Variants in FILIP1 observed in about 807,000 individuals in gnomAD.
FILIP1 encodes filamin-A-interacting protein 1.
Under a neutral mutation model 102.1 loss-of-function variants are expected in FILIP1, and 61 were observed. The ratio of observed to expected loss-of-function variants is 0.60; its 90% CI spans 0.49 to 0.74. FILIP1 has a LOEUF of 0.74. Among genes scored for constraint, FILIP1 ranks in the 30% least tolerant of loss-of-function variants. FILIP1 has a pLI of 0.00. For synonymous variants in FILIP1, 491 were observed against 526.9 expected (o/e 0.93, Z 0.93); for missense variants, 1,314 against 1,441.2 (o/e 0.91, Z 1.43).
At chr6:75,445,857 A>G (rs1182161315) in intron 1 of FILIP1, among the ~76,000 whole-genome samples, 1 of 152,064 alleles carries the variant, frequency 6.6e-6, no homozygotes, top group African/African-American at 2.4e-5. Flanking sequence ...AGGACAGTAC[A>G]TCTGGTTGTG....
chr6:75,452,397 T>C (rs1778664924), intron 1 of FILIP1, among the ~76,000 whole-genome samples: 1 of 152,138 alleles, frequency 6.6e-6, no homozygotes, highest in Admixed American at 6.5e-5. Context: ...CTGAGAATGA[T>C]GGTTTCCAGC....
At chr6:75,425,800 T>A (rs368494026) in intron 1 of FILIP1, among the ~76,000 whole-genome samples, 1 of 152,176 alleles carries the variant, frequency 6.6e-6, no homozygotes, top group Non-Finnish European at 1.5e-5. Context: ...ACTCTCCATA[T>A]GTATGTGAAA....
intron 4 of FILIP1, among the ~76,000 whole-genome samples, chr6:75,317,533 T>C (rs1773484685): frequency 6.6e-6 from 1 of 152,238 alleles, no homozygotes; most frequent in African/African-American, 2.4e-5. Flanking sequence ...TTTTTGTCAT[T>C]ATCCTGTCTT....
At chr6:75,490,454 A>G (rs1393517073) in intron 1 of FILIP1, among the ~76,000 whole-genome samples, 2 of 152,144 alleles carry the variant, frequency 1.3e-5, no homozygotes, top group Non-Finnish European at 2.9e-5. Flanking sequence ...AAACAACAGA[A>G]AAAGGATCAT....
chr6:75,431,716 G>A (rs1777828489), intron 1 of FILIP1, among the ~76,000 whole-genome samples: 1 of 152,174 alleles, frequency 6.6e-6, no homozygotes. Flanking sequence ...CCTAGGCAGA[G>A]AAGGAGCCTG....
At position 75,447,968 on chromosome 6, in the gene FILIP1, TA is replaced by T. The variant is rs911589653; in HGVS notation, c.-6-32991del. Among the ~76,000 whole-genome samples the T allele has an allele frequency of 2.4e-4, 36 of 151,018 alleles. 1 individual carries two copies. The highest frequency in any genetic ancestry group is 6.3e-4 in the South Asian group (3 of 4,794). ...ATTCTTCATTGGCACTTTTCAAACA[TA>T]AAAAAAAATAAAAATAATTGTAATA... On this transcript the variant is annotated intron_variant, in intron 1 of 5. Transcript: ENST00000237172.
chr6:75,442,354 C>T (rs1291126367), intron 1 of FILIP1, among the ~76,000 whole-genome samples: 2 of 152,130 alleles, frequency 1.3e-5, no homozygotes, highest in African/African-American at 4.8e-5. Context: ...GACGGGGTGG[C>T]GGCCTGGCAG....
Position 75,353,637 on chromosome 6 carries a change from C to T in FILIP1, c.531G>A (p.Arg177=). 6.2e-7 allele frequency: 1 copy of T among 1,614,180 alleles called. No homozygotes were observed. The highest frequency in any genetic ancestry group is 8.5e-7 in the Non-Finnish European group (1 of 1,180,044). Residue 177 remains arginine (R), a synonymous_variant, in exon 4 of 6, where the codon AGG becomes AGA. Transcript: ENST00000237172. ...EQLLLAEKCH[R]RTVYELENEK... ...CGTTCTCTAACTCGTATACGGTGCG[C>T]CTATGACACTTCTCGGCCAGCAACA...
chr6:75,337,037 T>C (rs1462486113), intron 4 of FILIP1, among the ~76,000 whole-genome samples: 1 of 152,168 alleles, frequency 6.6e-6, no homozygotes, highest in African/African-American at 2.4e-5. Context: ...ATTCAACAAA[T>C]ACTTAATTGG....
intron 1 of FILIP1, among the ~76,000 whole-genome samples, chr6:75,433,872 G>A (rs954254566): frequency 6.6e-6 from 1 of 152,156 alleles, no homozygotes; most frequent in African/African-American, 2.4e-5. Context: ...TGTATAAGGT[G>A]TAAGGAAGGG....
intron 1 of FILIP1, among the ~76,000 whole-genome samples, chr6:75,488,931 G>A (rs998679600): frequency 6.6e-6 from 1 of 152,116 alleles, no homozygotes; most frequent in Non-Finnish European, 1.5e-5. Flanking sequence ...TGAATCGCAA[G>A]AATTCATTTC....
chr6:75,372,738 G>A (rs1252176622), intron 2 of FILIP1, among the ~76,000 whole-genome samples: 2 of 63,812 alleles, frequency 3.1e-5, no homozygotes, highest in African/African-American at 1.4e-4. Flanking sequence ...GAGAAAGAAA[G>A]AAAGAAAGAA....
intron 1 of FILIP1, among the ~76,000 whole-genome samples, chr6:75,437,740 G>T (rs1778074363): frequency 6.6e-6 from 1 of 152,312 alleles, no homozygotes; most frequent in South Asian, 2.1e-4. Context: ...GAGCTGGGGA[G>T]GAACTGTCAT....
intron 2 of FILIP1, among the ~76,000 whole-genome samples, chr6:75,379,787 A>T: frequency 6.6e-6 from 1 of 152,160 alleles, no homozygotes; most frequent in Non-Finnish European, 1.5e-5. Context: ...TTAGGTCTTT[A>T]TTTAAATGTT....
chr6:75,428,193 C>G (rs576108229), intron 1 of FILIP1, among the ~76,000 whole-genome samples: 1 of 152,240 alleles, frequency 6.6e-6, no homozygotes, highest in African/African-American at 2.4e-5. Context: ...TCCAATATTA[C>G]TTTCTTGGAA....
chr6:75,397,815 G>C (rs1041087939), intron 2 of FILIP1: 1 of 152,066 alleles, frequency 6.6e-6, no homozygotes, highest in Non-Finnish European at 1.5e-5. Flanking sequence ...CCTCATAAAT[G>C]AGCTGATCCT....
intron 1 of FILIP1, among the ~76,000 whole-genome samples, chr6:75,470,678 G>A (rs1779302184): frequency 6.6e-6 from 1 of 152,068 alleles, no homozygotes; most frequent in African/African-American, 2.4e-5. Flanking sequence ...AAATCAATGA[G>A]ACTAACTAGC....
chr6:75,374,930 G>C (rs1463012686), intron 2 of FILIP1, among the ~76,000 whole-genome samples: 1 of 150,570 alleles, frequency 6.6e-6, no homozygotes, highest in Admixed American at 6.6e-5. Context: ...TATTTTTGCA[G>C]CTCGAGGGGG....
rs113713911 is a variant in FILIP1 at position 75,389,768 on chromosome 6, CTTT to C, written c.276+24926_276+24928del. Among the ~76,000 whole-genome samples, 587 of 152,052 alleles carry C rather than the reference CTTT, an allele frequency of 3.9e-3. 6 individuals are homozygous for C. The highest frequency in any genetic ancestry group is 0.014 in the African/African-American group (561 of 41,478). ...TTATTTGATTCTTCTCTCTTTTCTTCTTTACTAGTCTGGCTAGCGGTCTATCTA... is the reference window on the plus strand; with the variant it reads ...TTATTTGATTCTTCTCTCTTTTCTTCACTAGTCTGGCTAGCGGTCTATCTA... On this transcript the variant is annotated intron_variant, in intron 2 of 5. Coordinates refer to ENST00000237172, the MANE Select transcript of FILIP1 (RefSeq NM_015687.5).
Sources: gnomAD v4.1 joint callset for allele counts (sites outside exome capture counted in the v4.1 genomes callset) on GRCh38, gnomAD v4.1.1 for gene constraint, MANE v1.5 for transcripts, NCBI Gene and HGNC (gene_info 2026-07-23, HGNC 2026-07-21) for gene names.